E2F3: variants seen among roughly 807,000 people sequenced by gnomAD.
The protein encoded by E2F3 is transcription factor E2F3.
Under a neutral mutation model 44.4 loss-of-function variants are expected in E2F3, and 11 were observed. The ratio of observed to expected loss-of-function variants is 0.25; its 90% CI spans 0.16 to 0.41. The LOEUF is 0.41. E2F3 is among the 10% of genes least tolerant of loss of function. The probability of loss-of-function intolerance (pLI) is 1.00; values close to 1 mark genes in which losing one functional copy is unlikely to be tolerated. For synonymous variants in E2F3, 249 were observed against 253.0 expected (o/e 0.98, Z 0.15); for missense variants, 487 against 583.6 (o/e 0.83, Z 1.70).
At chr6:20,455,074 TATG>T (rs1761266176) in intron 1 of E2F3, among the ~76,000 whole-genome samples, 1 of 152,220 alleles carries the variant, frequency 6.6e-6, no homozygotes, top group African/African-American at 2.4e-5. Flanking sequence ...TAGTTTTGGT[TATG>T]ATAATAAGAA....
chr6:20,414,563 G>C (rs1759781162), intron 1 of E2F3, among the ~76,000 whole-genome samples: 2 of 152,084 alleles, frequency 1.3e-5, no homozygotes, highest in East Asian at 1.9e-4. Context: ...GTCTAGGAAA[G>C]AGCCGTGTAA....
intron 1 of E2F3, among the ~76,000 whole-genome samples, chr6:20,467,654 A>C (rs1313475247): frequency 1.3e-5 from 2 of 152,122 alleles, no homozygotes; most frequent in Non-Finnish European, 2.9e-5. Flanking sequence ...GATTGACTGA[A>C]ATCTGAACTT....
intron 1 of E2F3, among the ~76,000 whole-genome samples, chr6:20,446,373 A>G (rs944171430): frequency 2.0e-5 from 3 of 152,204 alleles, no homozygotes; most frequent in African/African-American, 7.2e-5. Context: ...AGTTGTTTTC[A>G]TGAAACTATT....
At chr6:20,458,279 G>GC (rs1258236691) in intron 1 of E2F3, among the ~76,000 whole-genome samples, 10 of 152,136 alleles carry the variant, frequency 6.6e-5, no homozygotes, top group Non-Finnish European at 1.0e-4. Flanking sequence ...AATCGCGTGT[G>GC]CTTTTTCTAC....
chr6:20,454,593 G>A (rs942425355), intron 1 of E2F3, among the ~76,000 whole-genome samples: 9 of 152,162 alleles, frequency 5.9e-5, no homozygotes, highest in Non-Finnish European at 2.9e-5. Context: ...CTGGGTCAGT[G>A]CTTCCCTTTG....
Position 20,490,583 on chromosome 6 carries a change from G to A in E2F3, c.*153G>A. 1.2e-6 allele frequency: 1 copy of A among 812,712 alleles called. No homozygotes were observed. The highest frequency in any genetic ancestry group is 3.1e-5 in the East Asian group (1 of 32,524). The allele number at this position is 812,712 out of a possible 1,614,324, so 50.3% of individuals were successfully genotyped here. On this transcript the variant is annotated 3_prime_UTR_variant, in exon 7 of 7. Coordinates refer to ENST00000346618, the MANE Select transcript of E2F3 (RefSeq NM_001949.5). This position sits in a 1 kb window ranked among gnomAD's most constrained non-coding sequence, Gnocchi z 4.3. ...TTCAGAAGAAAGCTGACATTTTAATGAATTTTTTAAAAAATTAATAAACAA... is the reference window on the plus strand; with the variant it reads ...TTCAGAAGAAAGCTGACATTTTAATAAATTTTTTAAAAAATTAATAAACAA...
At chr6:20,424,095 T>A (rs1760121437) in intron 1 of E2F3, among the ~76,000 whole-genome samples, 1 of 152,104 alleles carries the variant, frequency 6.6e-6, no homozygotes, top group Non-Finnish European at 1.5e-5. Flanking sequence ...ACAGTTTGAG[T>A]TTGGTGGCTT....
chr6:20,426,284 A>G (rs929900014), intron 1 of E2F3, among the ~76,000 whole-genome samples: 1 of 152,186 alleles, frequency 6.6e-6, no homozygotes, highest in Non-Finnish European at 1.5e-5. Context: ...GGGGAATTAA[A>G]TCTTAGTGTC....
chr6:20,428,980 C>T (rs564762551), intron 1 of E2F3, among the ~76,000 whole-genome samples: 1 of 152,312 alleles, frequency 6.6e-6, no homozygotes, highest in Non-Finnish European at 1.5e-5. Context: ...GAATGTTCTG[C>T]CCCTCATGTG....
At chr6:20,470,194 C>T (rs1189503613) in intron 1 of E2F3, among the ~76,000 whole-genome samples, 2 of 152,240 alleles carry the variant, frequency 1.3e-5, no homozygotes, top group South Asian at 2.1e-4. Context: ...CCTCTACCCA[C>T]TTCTCCATGC....
Position 20,402,519 on chromosome 6 carries a change from G to T in E2F3, c.287G>T (p.Gly96Val). The change falls in exon 1 of 7, where the codon GGC (glycine) becomes GTC (valine). Residue 96 changes from glycine (G) to valine (V), a missense_variant. This residue lies in a region of E2F3 where 238 missense variants were observed against 236.0 expected (regional missense o/e 1.01). Transcript: ENST00000346618. This position sits in a 1 kb window ranked among gnomAD's most constrained non-coding sequence, Gnocchi z 5.6. ...PSAPGAEQTA[G>V]SLLYTTPHGP... is the part of the protein sequence containing the mutation. ...GCCCCCGGCGCGGAGCAGACCGCCGGCAGCCTCCTCTACACCACGCCGCAC... is the reference window on the plus strand; with the variant it reads ...GCCCCCGGCGCGGAGCAGACCGCCGTCAGCCTCCTCTACACCACGCCGCAC... 1 of 1,600,938 alleles carries T rather than the reference G, an allele frequency of 6.2e-7. No homozygotes were observed.
chr6:20,412,163 GTTGT>G (rs1420195672), intron 1 of E2F3, among the ~76,000 whole-genome samples: 1 of 152,304 alleles, frequency 6.6e-6, no homozygotes, highest in East Asian at 1.9e-4. Flanking sequence ...CTAGTCCTCA[GTTGT>G]GTGGTGTCGA....
At chr6:20,473,025 T>C (rs2127615836) in intron 1 of E2F3, among the ~76,000 whole-genome samples, 1 of 152,322 alleles carries the variant, frequency 6.6e-6, no homozygotes, top group African/African-American at 2.4e-5. Flanking sequence ...GTAGATAGTC[T>C]AGGTAAATAC....
Position 20,402,721 on chromosome 6 carries a change from A to G in E2F3, c.393+96A>G. The G allele has an allele frequency of 7.9e-7, 1 of 1,261,778 alleles. No homozygotes were observed. Among genetic ancestry groups the G allele is most frequent in the Middle Eastern group, 3.0e-4 (1 of 3,286 alleles). The allele number at this position is 1,261,778 out of a possible 1,614,324, so 78.2% of individuals were successfully genotyped here. On this transcript the variant is annotated intron_variant, in intron 1 of 6. Transcript: ENST00000346618. This position sits in a 1 kb window ranked among gnomAD's most constrained non-coding sequence, Gnocchi z 5.6. Reference sequence around the variant, plus strand: ...GCGCTGCGGGCCGCTCGGGGAGAGCACTGGGCCGAGCATCGTGGGCCTCGG... The same window carrying G: ...GCGCTGCGGGCCGCTCGGGGAGAGCGCTGGGCCGAGCATCGTGGGCCTCGG...
intron 1 of E2F3, among the ~76,000 whole-genome samples, chr6:20,454,475 ATTC>A (rs919543497): frequency 1.3e-5 from 2 of 152,206 alleles, no homozygotes; most frequent in African/African-American, 2.4e-5. Context: ...TAAAGGTGGT[ATTC>A]TTAGAGTAGG....
At chr6:20,426,277 G>A (rs1760211748) in intron 1 of E2F3, among the ~76,000 whole-genome samples, 1 of 152,114 alleles carries the variant, frequency 6.6e-6, no homozygotes, top group Admixed American at 6.5e-5. Context: ...AAGTATAGGG[G>A]AATTAAATCT....
At chr6:20,462,699 C>T (rs1411280577) in intron 1 of E2F3, among the ~76,000 whole-genome samples, 1 of 151,752 alleles carries the variant, frequency 6.6e-6, no homozygotes, top group Non-Finnish European at 1.5e-5. Context: ...CTCAGGTAAT[C>T]CGCCCACCTC....
At chr6:20,467,809 A>C (rs1561876166) in intron 1 of E2F3, among the ~76,000 whole-genome samples, 1 of 152,044 alleles carries the variant, frequency 6.6e-6, no homozygotes, top group Non-Finnish European at 1.5e-5. Flanking sequence ...CCTTCCAGGG[A>C]GTTAGATTGA....
At chr6:20,454,735 A>C (rs1761252831) in intron 1 of E2F3, among the ~76,000 whole-genome samples, 1 of 152,228 alleles carries the variant, frequency 6.6e-6, no homozygotes, top group Non-Finnish European at 1.5e-5. Flanking sequence ...CTTTAAAATT[A>C]ATTTGATACC....
Sources: allele counts gnomAD v4.1 joint callset (sites outside exome capture counted in the v4.1 genomes callset), GRCh38; gene constraint gnomAD v4.1.1; regional missense constraint gnomAD v4.1.1; non-coding constraint Gnocchi (gnomAD v3.1); transcripts MANE v1.5; gene names NCBI Gene and HGNC (gene_info 2026-07-23, HGNC 2026-07-21).